Variants in DLG2 observed in about 807,000 individuals in gnomAD.
The protein encoded by DLG2 is disks large homolog 2.
Under a neutral mutation model 132.5 loss-of-function variants are expected in DLG2, and 45 were observed. The observed-to-expected ratio is 0.34, with a 90% CI of 0.27 to 0.44. DLG2 has a LOEUF of 0.44. DLG2 is among the 20% of genes least tolerant of loss of function. DLG2 has a pLI of 1.00. For missense variants in DLG2, 1,045 were observed against 1,196.9 expected (o/e 0.87, Z 1.87); for synonymous variants, 424 against 419.6 (o/e 1.01, Z -0.13).
intron 18 of DLG2, among the ~76,000 whole-genome samples, chr11:83,704,492 A>C (rs1427475465): frequency 2.0e-5 from 3 of 151,904 alleles, no homozygotes; most frequent in Non-Finnish European, 4.4e-5. Context: ...TAATTGAAAA[A>C]TAGTTTCTGG....
At chr11:84,265,161 C>G (rs751984032) in intron 7 of DLG2, among the ~76,000 whole-genome samples, 1 of 152,084 alleles carries the variant, frequency 6.6e-6, no homozygotes, top group African/African-American at 2.4e-5. Context: ...TCATCAATAT[C>G]ATGTGGTTCT....
chr11:84,888,680 A>C (rs865980466), intron 6 of DLG2, among the ~76,000 whole-genome samples: 1 of 152,120 alleles, frequency 6.6e-6, no homozygotes, highest in African/African-American at 2.4e-5. Flanking sequence ...GGCAAAAAAA[A>C]AAATCTTTTC....
chr11:84,647,864 C>T (rs901171201), intron 6 of DLG2, among the ~76,000 whole-genome samples: 4 of 152,140 alleles, frequency 2.6e-5, no homozygotes, highest in African/African-American at 9.7e-5. Flanking sequence ...CTACATGCAC[C>T]TCTTTAGTTG....
chr11:83,795,180 C>A (rs1315050895), intron 17 of DLG2, among the ~76,000 whole-genome samples: 2 of 151,978 alleles, frequency 1.3e-5, no homozygotes, highest in East Asian at 3.9e-4. Context: ...CCGAGGTGGG[C>A]AGATCATAAG....
chr11:85,177,288 C>T (rs686907), intron 4 of DLG2, among the ~76,000 whole-genome samples: 27,466 of 119,150 alleles, frequency 0.23, 2,862 homozygotes, highest in Non-Finnish European at 0.26. Context: ...TATACATATA[C>T]ACACACACAC....
chr11:85,163,068 C>A (rs556293687), intron 4 of DLG2, among the ~76,000 whole-genome samples: 6 of 152,176 alleles, frequency 3.9e-5, no homozygotes, highest in Non-Finnish European at 8.8e-5. Flanking sequence ...TTCTCCCATG[C>A]TGGAAGCTTC....
chr11:84,488,789 C>T (rs1026696260), intron 7 of DLG2, among the ~76,000 whole-genome samples: 1 of 152,090 alleles, frequency 6.6e-6, no homozygotes, highest in African/African-American at 2.4e-5. Context: ...CCTGGTAAAA[C>T]TAATAAATAC....
chr11:84,445,193 A>AT (rs1337333551), intron 7 of DLG2, among the ~76,000 whole-genome samples: 1 of 152,098 alleles, frequency 6.6e-6, no homozygotes, highest in Non-Finnish European at 1.5e-5. Context: ...CACCATTATC[A>AT]TTTTTTGTTA....
chr11:84,402,219 C>G (rs2098831919), intron 7 of DLG2, among the ~76,000 whole-genome samples: 1 of 152,058 alleles, frequency 6.6e-6, no homozygotes, highest in Non-Finnish European at 1.5e-5. Flanking sequence ...AACTAAGAGG[C>G]ATTATGTTAG....
intron 11 of DLG2, among the ~76,000 whole-genome samples, chr11:84,018,076 T>TTA (rs2095269597): frequency 6.6e-6 from 1 of 152,038 alleles, no homozygotes; most frequent in African/African-American, 2.4e-5. Flanking sequence ...TGGATCTGTA[T>TTA]GTTAACGTTT....
intron 18 of DLG2, among the ~76,000 whole-genome samples, chr11:83,657,344 T>C (rs531386577): frequency 2.0e-5 from 3 of 152,198 alleles, no homozygotes; most frequent in South Asian, 4.1e-4. Context: ...TATCCATTAG[T>C]TGGTACATAG....
At chr11:84,971,260 A>G (rs2054059639) in intron 6 of DLG2, among the ~76,000 whole-genome samples, 1 of 152,246 alleles carries the variant, frequency 6.6e-6, no homozygotes, top group Non-Finnish European at 1.5e-5. Context: ...CAGAGGCAAG[A>G]AAATTTTAGC....
chr11:85,578,684 C>T (rs1376704866), intron 3 of DLG2, among the ~76,000 whole-genome samples: 1 of 152,126 alleles, frequency 6.6e-6, no homozygotes, highest in African/African-American at 2.4e-5. Context: ...CAATGAGATA[C>T]CACCTCACAC....
intron 11 of DLG2, among the ~76,000 whole-genome samples, chr11:84,059,089 TG>T (rs2096550734): frequency 6.6e-6 from 1 of 152,192 alleles, no homozygotes; most frequent in African/African-American, 2.4e-5. Flanking sequence ...TTAATATTTT[TG>T]TTTTTAAGGA....
intron 15 of DLG2, among the ~76,000 whole-genome samples, chr11:83,898,748 C>T (rs1398151190): frequency 6.6e-6 from 1 of 152,170 alleles, no homozygotes; most frequent in Admixed American, 6.5e-5. Flanking sequence ...TCTATTTTAG[C>T]TAAATAAATC....
intron 6 of DLG2, among the ~76,000 whole-genome samples, chr11:84,842,730 T>C (rs981804285): frequency 2.0e-5 from 3 of 151,834 alleles, no homozygotes; most frequent in Non-Finnish European, 4.4e-5. Context: ...AAGAGAAATA[T>C]CTAGTATACC....
chr11:84,652,161 A>C (rs1385194843), intron 6 of DLG2, among the ~76,000 whole-genome samples: 4 of 152,184 alleles, frequency 2.6e-5, no homozygotes, highest in African/African-American at 9.7e-5. Flanking sequence ...GGAAGAGTAA[A>C]TATTGTAAAC....
chr11:85,068,543 C>T (rs1176887318), intron 6 of DLG2, among the ~76,000 whole-genome samples: 1 of 152,064 alleles, frequency 6.6e-6, no homozygotes, highest in Admixed American at 6.6e-5. Context: ...AGTGAACTCC[C>T]ATTCACAACT....
intron 3 of DLG2, among the ~76,000 whole-genome samples, chr11:85,316,664 G>A (rs1243535684): frequency 6.6e-6 from 1 of 151,868 alleles, no homozygotes; most frequent in Non-Finnish European, 1.5e-5. Context: ...TTTGAAGAGA[G>A]TGACCAGGAC....
Sources: allele counts gnomAD v4.1 joint callset (sites outside exome capture counted in the v4.1 genomes callset), GRCh38; gene constraint gnomAD v4.1.1; transcripts MANE v1.5; gene names NCBI Gene and HGNC (gene_info 2026-07-23, HGNC 2026-07-21).